Variants in LAT2 observed in about 807,000 individuals in gnomAD.
LAT2 encodes linker for activation of T cells family member 2, also known as linker for activation of T-cells family member 2.
In LAT2, 23 loss-of-function variants were observed where a neutral mutation model predicts 43.4. That is an observed-to-expected ratio of 0.53 (90% CI 0.38 to 0.75). The LOEUF (loss-of-function observed/expected upper bound fraction) is 0.75. Among genes scored for constraint, LAT2 ranks in the 30% least tolerant of loss-of-function variants. The pLI, the probability that LAT2 is intolerant of heterozygous loss-of-function variation, is 0.00. For missense variants in LAT2, 284 were observed against 310.2 expected (o/e 0.92, Z 0.64); for synonymous variants, 128 against 123.2 (o/e 1.04, Z -0.26).
intron 1 of LAT2, among the ~76,000 whole-genome samples, chr7:74,210,358 GTA>G (rs112465357): frequency 0.063 from 9,550 of 152,208 alleles, 971 homozygotes; most frequent in African/African-American, 0.21. Flanking sequence ...GACTGGTGAA[GTA>G]AGTGGCCGAG....
chr7:74,210,388 C>A (rs1054907146), intron 1 of LAT2, among the ~76,000 whole-genome samples: 18 of 152,184 alleles, frequency 1.2e-4, no homozygotes, highest in African/African-American at 4.1e-4. Context: ...ACAGTGGCTG[C>A]CCTGGCCTGG....
chr7:74,222,553 C>T (rs1802328814), intron 10 of LAT2, among the ~76,000 whole-genome samples: 1 of 151,834 alleles, frequency 6.6e-6, no homozygotes, highest in African/African-American at 2.4e-5. Flanking sequence ...TTGGGGGGTC[C>T]TCTTCTGCCC....
chr7:74,229,038 T>C lies in LAT2; in HGVS notation c.*113T>C, dbSNP rs1431771398. ...CTACTCAACTTTTAAGCCCCTGCCA[T>C]GGTTGCTCCTGGAAGGAGAACCAGC... On this transcript the variant is annotated 3_prime_UTR_variant, in exon 14 of 14. Transcript: ENST00000460943. 1 of 152,296 alleles carries C rather than the reference T, an allele frequency of 6.6e-6. No homozygotes were observed. Among genetic ancestry groups the C allele is most frequent in the African/African-American group, 2.4e-5 (1 of 41,444 alleles). The allele number at this position is 152,296 out of a possible 1,614,324, so 9.4% of individuals were successfully genotyped here. A position where few individuals can be genotyped will look rare whatever the true frequency, so the allele number is the denominator to read the frequency against.
intron 13 of LAT2, among the ~76,000 whole-genome samples, chr7:74,227,759 G>C (rs551696301): frequency 6.6e-6 from 1 of 152,114 alleles, no homozygotes; most frequent in Non-Finnish European, 1.5e-5. Flanking sequence ...TGTAGTCCCA[G>C]CTACTCGGAG....
chr7:74,215,850 G>A (rs1802018797), intron 2 of LAT2, 97 bp from the exon 3 acceptor site: 1 of 847,916 alleles, frequency 1.2e-6, no homozygotes, highest in Admixed American at 1.8e-5. Flanking sequence ...TGTTTCCGCA[G>A]CCTAGGCTCA....
intron 12 of LAT2, 87 bp from the exon 13 acceptor site, chr7:74,224,552 T>TGGAGTCTGGGGGTC: frequency 8.5e-7 from 1 of 1,177,804 alleles, no homozygotes; most frequent in Non-Finnish European, 1.2e-6. Flanking sequence ...GGCTGTTTTG[T>TGGAGTCTGGGGGTC]GGAGTCTGGG....
chr7:74,220,784 ACCTCTCCCCCTGCCC>A lies in LAT2; in HGVS notation c.332+52_332+66del. 1.9e-6 allele frequency: 2 copies of A among 1,046,180 alleles called. No homozygotes were observed. The highest frequency in any genetic ancestry group is 2.4e-6 in the Non-Finnish European group (2 of 844,320). 64.8% of individuals were successfully genotyped at this position (1,046,180 alleles called of 1,614,324 possible). ...CCTGCCTCGCCTCTCCCCCTGCCCC[ACCTCTCCCCCTGCCC>A]CACCTCTCCCCCTGCCCCACCTGCC... On this transcript the variant is annotated intron_variant, in intron 9 of 13. Coordinates refer to ENST00000460943, the MANE Select transcript of LAT2 (RefSeq NM_032464.3). This position sits in a 1 kb window ranked among gnomAD's most constrained non-coding sequence, Gnocchi z 4.5.
intron 5 of LAT2, 52 bp downstream of exon 5, chr7:74,219,839 CAA>C (rs1390489882): frequency 2.5e-6 from 4 of 1,612,426 alleles, no homozygotes; most frequent in Admixed American, 3.3e-5. Context: ...GTGTCCCTAT[CAA>C]GTTATCTCGG....
At chr7:74,221,438 A>T (rs1375292320) in intron 9 of LAT2, among the ~76,000 whole-genome samples, 199 bp from the exon 10 acceptor site, 1 of 148,982 alleles carries the variant, frequency 6.7e-6, no homozygotes, top group Admixed American at 6.7e-5. Context: ...AAAAAAAAAA[A>T]AGTGGCTCCA....
chr7:74,210,842 C>G (rs1355904790), intron 1 of LAT2, among the ~76,000 whole-genome samples: 2 of 152,044 alleles, frequency 1.3e-5, no homozygotes, highest in African/African-American at 4.8e-5. Context: ...CAACAGACCC[C>G]AGAGCAGAGT....
At chr7:74,219,584 G>A (rs971218287) in intron 4 of LAT2, among the ~76,000 whole-genome samples, 160 bp from the exon 5 acceptor site, 5 of 152,214 alleles carry the variant, frequency 3.3e-5, no homozygotes, top group African/African-American at 4.8e-5. Flanking sequence ...ATGGGGAGCC[G>A]TGAGAATGAG....
chr7:74,220,018 A>G lies in LAT2; in HGVS notation c.227+10A>G. ...ACATGGCACCCACAAGGTAGGTCAC[A>G]GTCCCCCAGGAAGTGACAAGAATGA... is the stretch of plus-strand genomic sequence containing the variant. On this transcript the variant is annotated intron_variant, in intron 6 of 13. Coordinates refer to ENST00000460943, the MANE Select transcript of LAT2 (RefSeq NM_032464.3). This position sits in a 1 kb window ranked among gnomAD's most constrained non-coding sequence, Gnocchi z 4.5. The G allele has an allele frequency of 4.3e-6, 7 of 1,613,470 alleles. No individual in the cohort carries two copies. Among genetic ancestry groups the G allele is most frequent in the Non-Finnish European group, 5.9e-6 (7 of 1,179,796 alleles).
chr7:74,219,901 G>A, intron 5 of LAT2, 59 bp from the exon 6 acceptor site: 1 of 1,612,434 alleles, frequency 6.2e-7, no homozygotes, highest in South Asian at 1.1e-5. Context: ...GGGATGATGG[G>A]GTGAGGGGGC....
Position 74,214,254 on chromosome 7 carries a change from ATAT to A in LAT2, c.-218-567_-218-565del, listed in dbSNP as rs1290742112. Among the ~76,000 whole-genome samples the A allele has an allele frequency of 8.3e-4, 42 of 50,806 alleles. 1 individual carries two copies. The highest frequency in any genetic ancestry group is 1.3e-3 in the Admixed American group (4 of 3,092). 33.3% of individuals were successfully genotyped at this position (50,806 alleles called of 152,430 possible). A position where few individuals can be genotyped will look rare whatever the true frequency, so the allele number is the denominator to read the frequency against. On this transcript the variant is annotated intron_variant, in intron 1 of 13. Coordinates refer to ENST00000460943, the MANE Select transcript of LAT2 (RefSeq NM_032464.3). The stretch of plus-strand genomic sequence containing the variant: ...AATATATATGAAAATATATATATAA[ATAT>A]ATATATATGAAAATATATATATAAA...
intron 10 of LAT2, among the ~76,000 whole-genome samples, 160 bp downstream of exon 10, chr7:74,221,852 G>C (rs1323576672): frequency 2.0e-5 from 3 of 147,964 alleles, no homozygotes; most frequent in Non-Finnish European, 4.5e-5. Flanking sequence ...CGGGGGCCAA[G>C]AAGGGATAGG....
chr7:74,218,907 A>G (rs1219505891), intron 4 of LAT2, among the ~76,000 whole-genome samples: 1 of 148,206 alleles, frequency 6.7e-6, no homozygotes, highest in Non-Finnish European at 1.5e-5. Flanking sequence ...CATGTTGGTC[A>G]GGCTGGTCTT....
rs531856129 is a variant in LAT2 at position 74,224,984 on chromosome 7, A to C, written c.*18+224A>C. ...ATTCTGGTGACTTCAGGGGCAAAGA[A>C]GTGGGCACCGGGTGGGTCTCCCAAC... On this transcript the variant is annotated intron_variant, in intron 13 of 13. Transcript: ENST00000460943. The C allele has an allele frequency of 1.1e-3, 431 of 399,476 alleles. 1 individual carries two copies. The Middle Eastern group carries it at 0.015, about 14-fold the overall frequency. The allele number at this position is 399,476 out of a possible 1,614,324, so 24.7% of individuals were successfully genotyped here. A position where few individuals can be genotyped will look rare whatever the true frequency, so the allele number is the denominator to read the frequency against.
rs1801977382 is a variant in LAT2 at position 74,214,805 on chromosome 7, T to TGTATTTTTTTTGTAGAGA, written c.-218-17_-218-16insGTATTTTTTTTGTAGAGA. On this transcript the variant is annotated splice_polypyrimidine_tract_variant and intron_variant, in intron 1 of 13. Coordinates refer to ENST00000460943, the MANE Select transcript of LAT2 (RefSeq NM_032464.3). ...TATATATATATATTTTTTTTTTTTTTTGTATTTTTTTTGTAGAGATGGAAT... is the reference window on the plus strand; with the variant it reads ...TATATATATATATTTTTTTTTTTTTTGTATTTTTTTTGTAGAGATGTATTTTTTTTGTAGAGATGGAAT... The TGTATTTTTTTTGTAGAGA allele has an allele frequency of 1.7e-5, 2 of 117,788 alleles. No individual in the cohort carries two copies. The highest frequency in any genetic ancestry group is 3.6e-5 in the African/African-American group (1 of 27,716). The allele number at this position is 117,788 out of a possible 1,614,324, so 7.3% of individuals were successfully genotyped here.
chr7:74,214,783 ATATATATATTTTTT>A (rs1801971526), intron 1 of LAT2, 25 bp from the exon 2 acceptor site: 2 of 85,862 alleles, frequency 2.3e-5, no homozygotes, highest in African/African-American at 1.1e-4. Context: ...ATAAATATAT[ATATATATATTTTTT>A]TTTTTTTTTG....
Sources: allele counts gnomAD v4.1 joint callset (sites outside exome capture counted in the v4.1 genomes callset), GRCh38; gene constraint gnomAD v4.1.1; non-coding constraint Gnocchi (gnomAD v3.1); transcripts MANE v1.5; gene names NCBI Gene and HGNC (gene_info 2026-07-23, HGNC 2026-07-21).